The following PPARD variants were observed in gnomAD, a reference collection of about 807,000 sequenced individuals.
PPARD encodes the protein peroxisome proliferator-activated receptor delta.
Under a neutral mutation model 39.5 loss-of-function variants are expected in PPARD, and 6 were observed. The observed-to-expected ratio is 0.15, with a 90% confidence interval of 0.08 to 0.30. The LOEUF is 0.30. Ranked by LOEUF, PPARD falls within the 10% of genes least tolerant of loss-of-function variation. The pLI, the probability that PPARD is intolerant of heterozygous loss-of-function variation, is 1.00. For missense variants in PPARD, 397 were observed against 596.8 expected (o/e 0.67, Z 3.49); for synonymous variants, 210 against 231.3 (o/e 0.91, Z 0.83).
rs1766418580 is a variant in PPARD at position 35,424,261 on chromosome 6, C to T, written c.628-68C>T. On this transcript the variant is annotated intron_variant, in intron 6 of 7. Coordinates refer to ENST00000360694, the MANE Select transcript of PPARD (RefSeq NM_006238.5). This position sits in a 1 kb window ranked among gnomAD's most constrained non-coding sequence, Gnocchi z 7.1. ...CCCTCCCTCAACTTCATGGTGCAGG[C>T]AAGGGACATGGGGAGCACAGGGTGG... The T allele has an allele frequency of 6.3e-7, 1 of 1,594,234 alleles. No individual in the cohort carries two copies. Among genetic ancestry groups the T allele is most frequent in the Admixed American group, 1.7e-5 (1 of 58,518 alleles).
rs1170617869 is a variant in PPARD at position 35,416,374 on chromosome 6, CAAAAAAAAAAAAAAAAAAAAAA to C, written c.131-3738_131-3717del. On this transcript the variant is annotated intron_variant, in intron 3 of 7. Transcript: ENST00000360694. ...GGGGAACAAAAGCGAGACTTCATCTCAAAAAAAAAAAAAAAAAAAAAAAAAAAAAAAAAAAACACCTTCTTAG... is the reference window on the plus strand; with the variant it reads ...GGGGAACAAAAGCGAGACTTCATCTCAAAAAAAAAAAAAACACCTTCTTAG... 4.8e-4 allele frequency among the ~76,000 whole-genome samples: 25 copies of C among 52,616 alleles called. No individual in the cohort carries two copies. In the South Asian group the frequency reaches 9.0e-3, roughly 19 times the overall value. 34.5% of individuals were successfully genotyped at this position (52,616 alleles called of 152,430 possible).
chr6:35,385,613 A>C, intron 2 of PPARD, among the ~76,000 whole-genome samples: 1 of 133,990 alleles, frequency 7.5e-6, no homozygotes, highest in Admixed American at 7.9e-5. Context: ...TGTGAGAAAC[A>C]CCCAAGAATT....
chr6:35,425,285 A>G lies in PPARD; in HGVS notation c.1078+506A>G, dbSNP rs1766497314. The G allele has an allele frequency of 6.0e-6, 6 of 1,002,418 alleles. No individual in the cohort carries two copies. Among genetic ancestry groups the G allele is most frequent in the Non-Finnish European group, 7.1e-6 (6 of 839,276 alleles). 62.1% of individuals were successfully genotyped at this position (1,002,418 alleles called of 1,614,324 possible). A position where few individuals can be genotyped will look rare whatever the true frequency, so the allele number is the denominator to read the frequency against. On this transcript the variant is annotated intron_variant, in intron 7 of 7. Coordinates refer to ENST00000360694, the MANE Select transcript of PPARD (RefSeq NM_006238.5). This position sits in a 1 kb window ranked among gnomAD's most constrained non-coding sequence, Gnocchi z 4.5. ...TGAGACCCTGTCTCAAAAAAAAGGA[A>G]AAGGACTAACAGGCAGTATGCTGTC... is the stretch of plus-strand genomic sequence containing the variant.
chr6:35,403,420 C>T (rs1764827263), intron 2 of PPARD, among the ~76,000 whole-genome samples: 1 of 152,142 alleles, frequency 6.6e-6, no homozygotes, highest in Admixed American at 6.5e-5. Context: ...GAACCCAGGC[C>T]TGACTGAAGC....
At chr6:35,415,667 C>T (rs1179577715) in intron 3 of PPARD, among the ~76,000 whole-genome samples, 4 of 151,974 alleles carry the variant, frequency 2.6e-5, no homozygotes, top group Admixed American at 1.3e-4. Context: ...TGTAGGTATG[C>T]GTAGTAGTGA....
In PPARD at chr6:35,347,097, TACTC is replaced by T. The variant is rs1792230029; in HGVS notation, c.-152_-149del. 1 of 1,536,102 alleles carries T rather than the reference TACTC, an allele frequency of 6.5e-7. No homozygotes were observed. Among genetic ancestry groups the T allele is most frequent in the Non-Finnish European group, 8.7e-7 (1 of 1,146,870 alleles). On this transcript the variant is annotated 5_prime_UTR_variant, in exon 2 of 8. An upstream open reading frame in the 5' UTR loses its in-frame stop. Transcript: ENST00000360694. ...TACAGTGTTTTGGGCATGCACGTGA[TACTC>T]ACACAGTGGCTTCTGCTCACCAACA...
intron 2 of PPARD, chr6:35,397,538 A>T: frequency 1.0e-6 from 1 of 985,458 alleles, no homozygotes. Context: ...GCAGGGTCAG[A>T]TACCCCTGGA....
chr6:35,425,437 C>T lies in PPARD; in HGVS notation c.1079-395C>T. Reference sequence around the variant, plus strand: ...AGCTTACTTCATGCCAGGCACTGTTCTTTTCATCGATGATGACTCACTTGA... The same window carrying T: ...AGCTTACTTCATGCCAGGCACTGTTTTTTTCATCGATGATGACTCACTTGA... On this transcript the variant is annotated intron_variant, in intron 7 of 7. Transcript: ENST00000360694. This position sits in a 1 kb window ranked among gnomAD's most constrained non-coding sequence, Gnocchi z 4.5. 9.3e-7 allele frequency: 1 copy of T among 1,073,568 alleles called. No individual in the cohort carries two copies. Among genetic ancestry groups the T allele is most frequent in the Non-Finnish European group, 1.1e-6 (1 of 878,734 alleles). The allele number at this position is 1,073,568 out of a possible 1,614,324, so 66.5% of individuals were successfully genotyped here. A position where few individuals can be genotyped will look rare whatever the true frequency, so the allele number is the denominator to read the frequency against.
intron 3 of PPARD, among the ~76,000 whole-genome samples, 190 bp downstream of exon 3, chr6:35,411,407 G>A (rs1317212346): frequency 6.6e-6 from 1 of 152,236 alleles, no homozygotes; most frequent in African/African-American, 2.4e-5. Context: ...AGTGGGGCCT[G>A]GAGCAAGCTG....
chr6:35,402,229 C>T (rs767936844), intron 2 of PPARD, among the ~76,000 whole-genome samples: 5 of 152,210 alleles, frequency 3.3e-5, no homozygotes, highest in African/African-American at 7.2e-5. Flanking sequence ...GAGAAAAGTA[C>T]CCTTAACATT....
At chr6:35,345,554 A>G (rs1792119273) in intron 1 of PPARD, among the ~76,000 whole-genome samples, 1 of 152,044 alleles carries the variant, frequency 6.6e-6, no homozygotes, top group Non-Finnish European at 1.5e-5. Flanking sequence ...CTGAGATTAC[A>G]CTGACTGCTC....
chr6:35,421,685 C>T (rs1766181917), intron 4 of PPARD, 135 bp from the exon 5 acceptor site: 1 of 887,574 alleles, frequency 1.1e-6, no homozygotes. Flanking sequence ...CCTTCTCCAT[C>T]TCCCCTCCAA....
At chr6:35,352,886 T>C (rs910423391) in intron 2 of PPARD, among the ~76,000 whole-genome samples, 3 of 152,186 alleles carry the variant, frequency 2.0e-5, no homozygotes, top group Non-Finnish European at 4.4e-5. Context: ...GTCCTAGCCT[T>C]GGAAGTTACA....
chr6:35,421,574 A>G (rs971802874), intron 4 of PPARD, among the ~76,000 whole-genome samples: 2 of 151,922 alleles, frequency 1.3e-5, no homozygotes, highest in African/African-American at 4.8e-5. Context: ...TCCTGACCTC[A>G]GGTGATCCGC....
At position 35,401,356 on chromosome 6, in the gene PPARD, GTCTGTTATCACCT is replaced by G. The variant is rs1233890570; in HGVS notation, c.-101-9628_-101-9616del. On this transcript the variant is annotated intron_variant, in intron 2 of 7. Coordinates refer to ENST00000360694, the MANE Select transcript of PPARD (RefSeq NM_006238.5). The surrounding 1 kb of genome is among the most constrained non-coding windows in gnomAD (Gnocchi z 4.1). ...CCGAGCCTGGCTGAAATCATCTTCA[GTCTGTTATCACCT>G]TCAGTCTGTTCTCATCTTCAGTCTG... is the stretch of plus-strand genomic sequence containing the variant. 6.6e-6 allele frequency among the ~76,000 whole-genome samples: 1 copy of G among 152,168 alleles called. No individual in the cohort carries two copies. Among genetic ancestry groups the G allele is most frequent in the Non-Finnish European group, 1.5e-5 (1 of 68,042 alleles).
intron 2 of PPARD, among the ~76,000 whole-genome samples, chr6:35,388,986 A>C (rs1008686318): frequency 6.6e-6 from 1 of 152,162 alleles, no homozygotes; most frequent in Non-Finnish European, 1.5e-5. Context: ...GCACAACAGC[A>C]GGCAAAACTA....
intron 2 of PPARD, among the ~76,000 whole-genome samples, chr6:35,376,922 AGGCAGGAGAAT>A (rs2150567430): frequency 6.6e-6 from 1 of 151,916 alleles, no homozygotes; most frequent in South Asian, 2.1e-4. Context: ...GGGAAGGCTG[AGGCAGGAGAAT>A]GGCATGAACC....
intron 3 of PPARD, among the ~76,000 whole-genome samples, chr6:35,419,639 G>T (rs1049609304): frequency 3.3e-5 from 5 of 152,178 alleles, no homozygotes; most frequent in African/African-American, 1.2e-4. Context: ...GGGATGGTGG[G>T]GAGGCTAGCT....
chr6:35,385,062 G>C (rs540721872), intron 2 of PPARD, among the ~76,000 whole-genome samples: 2,793 of 146,526 alleles, frequency 0.019, 54 homozygotes, highest in Non-Finnish European at 0.03. Flanking sequence ...GAGGTGACGG[G>C]CGCCTCTGCC....
Sources: allele counts gnomAD v4.1 joint callset (sites outside exome capture counted in the v4.1 genomes callset), GRCh38; gene constraint gnomAD v4.1.1; non-coding constraint Gnocchi (gnomAD v3.1); transcripts MANE v1.5; gene names NCBI Gene and HGNC (gene_info 2026-07-23, HGNC 2026-07-21).